The following RBM18 variants were observed in gnomAD, a reference collection of about 807,000 sequenced individuals.
The protein encoded by RBM18 is RNA binding motif protein 18, also known as probable RNA-binding protein 18.
A neutral mutation model predicts 26.4 loss-of-function variants in RBM18; 18 were observed. The observed-to-expected ratio is 0.68, with a 90% CI of 0.47 to 1.01. RBM18 has a LOEUF of 1.01. RBM18 is among the 50% of genes least tolerant of loss of function. The probability of loss-of-function intolerance (pLI) is 0.00; values close to 1 mark genes in which losing one functional copy is unlikely to be tolerated. For missense variants in RBM18, 180 were observed against 219.2 expected, an observed-to-expected ratio of 0.82 and a Z score of 1.13; for synonymous variants, 74 against 81.1, an observed-to-expected ratio of 0.91 and a Z score of 0.47.
In RBM18 at chr9:122,242,044, C is replaced by T. The variant is rs751626252; in HGVS notation, c.414-1G>A. ...AATGGCTTTTATCTTTGCAGTGACA[C>T]TGGAAAAATAATAGCAGAGGATCAG... is the stretch of plus-strand genomic sequence containing the variant. On this transcript the variant is annotated splice_acceptor_variant, in intron 5 of 5. Coordinates refer to ENST00000417201, the MANE Select transcript of RBM18 (RefSeq NM_033117.4). LOFTEE classifies it high-confidence loss of function. 2 of 1,613,578 alleles carry T rather than the reference C, an allele frequency of 1.2e-6. No individual in the cohort carries two copies. Among genetic ancestry groups the T allele is most frequent in the Non-Finnish European group, 1.7e-6 (2 of 1,179,858 alleles).
chr9:122,259,129 A>T (rs771421945), intron 2 of RBM18, among the ~76,000 whole-genome samples: 1 of 152,096 alleles, frequency 6.6e-6, no homozygotes, highest in Admixed American at 6.5e-5. Context: ...TGTTCCTGCC[A>T]ATGTTCTAAT....
At position 122,241,577 on chromosome 9, in the gene RBM18, G is replaced by A. The variant is rs1468821912; in HGVS notation, c.*307C>T. Reference sequence around the variant, plus strand: ...GATTTAAATAATATTTTGTGTATTTGCCTTTTGCTCTGGCACACTATAGAA... The same window carrying A: ...GATTTAAATAATATTTTGTGTATTTACCTTTTGCTCTGGCACACTATAGAA... On this transcript the variant is annotated 3_prime_UTR_variant, in exon 6 of 6. Coordinates refer to ENST00000417201, the MANE Select transcript of RBM18 (RefSeq NM_033117.4). 1 of 232,690 alleles carries A rather than the reference G, an allele frequency of 4.3e-6. No individual in the cohort carries two copies. Among genetic ancestry groups the A allele is most frequent in the African/African-American group, 2.2e-5 (1 of 44,532 alleles). 14.4% of individuals were successfully genotyped at this position (232,690 alleles called of 1,614,324 possible). A position where few individuals can be genotyped will look rare whatever the true frequency, so the allele number is the denominator to read the frequency against.
intron 3 of RBM18, among the ~76,000 whole-genome samples, chr9:122,250,144 A>T (rs1831576941): frequency 6.6e-6 from 1 of 151,536 alleles, no homozygotes; most frequent in Non-Finnish European, 1.5e-5. Context: ...GAACAATTAG[A>T]GTAACAATGT....
Position 122,237,995 on chromosome 9 carries a change from A to G in RBM18, c.*3889T>C, listed in dbSNP as rs1831356014. The G allele has an allele frequency of 6.6e-6, 1 of 152,182 alleles. No homozygotes were observed. Among genetic ancestry groups the G allele is most frequent in the Non-Finnish European group, 1.5e-5 (1 of 68,030 alleles). The allele number at this position is 152,182 out of a possible 1,614,324, so 9.4% of individuals were successfully genotyped here. On this transcript the variant is annotated 3_prime_UTR_variant, in exon 6 of 6. Transcript: ENST00000417201. ...AAAAATCATTCTTAACTTGTAGGCT[A>G]TACAAAATTAGGAGGCAGAGGCCAG...
At chr9:122,242,794 G>A (rs1423997220) in intron 5 of RBM18, among the ~76,000 whole-genome samples, 1 of 151,702 alleles carries the variant, frequency 6.6e-6, no homozygotes, top group African/African-American at 2.4e-5. Context: ...AGTAGGTAGG[G>A]CTACAGGCAC....
At position 122,264,834 on chromosome 9, in the gene RBM18, G is replaced by A. The variant is rs1156861736; in HGVS notation, c.-136C>T. ...CGCCAGCTGCCAGGCCGCCCGTGAC[G>A]CGTTAAGCCTGCGCCGCCTCCTGGC... On this transcript the variant is annotated 5_prime_UTR_variant, in exon 1 of 6. Transcript: ENST00000417201. The A allele has an allele frequency of 6.6e-6, 1 of 152,504 alleles. No individual in the cohort carries two copies. The highest frequency in any genetic ancestry group is 1.9e-4 in the East Asian group (1 of 5,202). The allele number at this position is 152,504 out of a possible 1,614,324, so 9.4% of individuals were successfully genotyped here.
chr9:122,245,837 C>T (rs528372144), intron 4 of RBM18, among the ~76,000 whole-genome samples: 2 of 150,484 alleles, frequency 1.3e-5, no homozygotes, highest in African/African-American at 4.9e-5. Context: ...AAACAAAAAA[C>T]AAAAATTACC....
intron 3 of RBM18, among the ~76,000 whole-genome samples, chr9:122,251,156 C>T (rs1242093398): frequency 1.3e-5 from 2 of 152,062 alleles, no homozygotes; most frequent in East Asian, 1.9e-4. Context: ...CTCCCCATCT[C>T]AGCCTCCAGG....
intron 5 of RBM18, among the ~76,000 whole-genome samples, chr9:122,243,563 G>A (rs1041899553): frequency 4.6e-5 from 7 of 152,310 alleles, no homozygotes; most frequent in East Asian, 1.9e-4. Context: ...AGCACTCAGG[G>A]AGTAGGTATT....
rs545425048 is a variant in RBM18, at chr9:122,257,601, A to C, written c.113+3779T>G. ...GGACTCAGATTAATAACCAACAGGCACACACACATAGAATGACTAGAAATA... is the reference window on the plus strand; with the variant it reads ...GGACTCAGATTAATAACCAACAGGCCCACACACATAGAATGACTAGAAATA... On this transcript the variant is annotated intron_variant, in intron 2 of 5. Coordinates refer to ENST00000417201, the MANE Select transcript of RBM18 (RefSeq NM_033117.4). Among the ~76,000 whole-genome samples the C allele has an allele frequency of 1.1e-3, 165 of 152,294 alleles. 1 individual carries two copies. Among genetic ancestry groups the C allele is most frequent in the African/African-American group, 3.8e-3 (158 of 41,590 alleles).
chr9:122,245,823 A>C (rs796180414), intron 4 of RBM18, among the ~76,000 whole-genome samples: 61 of 152,008 alleles, frequency 4.0e-4, no homozygotes, highest in African/African-American at 1.2e-3. Flanking sequence ...TATTTAAAAA[A>C]AAAAAACAAA....
At chr9:122,263,546 A>G (rs1376451930) in intron 1 of RBM18, among the ~76,000 whole-genome samples, 1 of 152,244 alleles carries the variant, frequency 6.6e-6, no homozygotes, top group Non-Finnish European at 1.5e-5. Context: ...CAAGGTCCCT[A>G]TCCTCTGGAT....
chr9:122,250,400 G>A (rs1721578928), intron 3 of RBM18, among the ~76,000 whole-genome samples: 1 of 152,126 alleles, frequency 6.6e-6, no homozygotes, highest in Admixed American at 6.5e-5. Flanking sequence ...ATTTATACTA[G>A]TGAATCAACC....
Position 122,238,155 on chromosome 9 carries a change from A to G in RBM18, c.*3729T>C, listed in dbSNP as rs988548944. 4 of 152,192 alleles carry G rather than the reference A, an allele frequency of 2.6e-5. No individual in the cohort carries two copies. The highest frequency in any genetic ancestry group is 9.7e-5 in the African/African-American group (4 of 41,436). 9.4% of individuals were successfully genotyped at this position (152,192 alleles called of 1,614,324 possible). A position where few individuals can be genotyped will look rare whatever the true frequency, so the allele number is the denominator to read the frequency against. ...CCCATCTGGACAATGAGGGGGCTAT[A>G]TGAGATGGTCTCTTAAGGCCCTTTG... On this transcript the variant is annotated 3_prime_UTR_variant, in exon 6 of 6. Coordinates refer to ENST00000417201, the MANE Select transcript of RBM18 (RefSeq NM_033117.4).
At chr9:122,243,242 G>C in intron 5 of RBM18, among the ~76,000 whole-genome samples, 1 of 152,288 alleles carries the variant, frequency 6.6e-6, no homozygotes, top group Middle Eastern at 3.4e-3. Context: ...TAAATGCTGG[G>C]ATTACAGGCA....
intron 5 of RBM18, among the ~76,000 whole-genome samples, chr9:122,244,375 T>C (rs1250505269): frequency 6.6e-6 from 1 of 152,220 alleles, no homozygotes; most frequent in Non-Finnish European, 1.5e-5. Context: ...TGGTTTCTGA[T>C]CCTTATGTAT....
At chr9:122,248,611 C>G (rs1831545485) in intron 3 of RBM18, among the ~76,000 whole-genome samples, 1 of 152,214 alleles carries the variant, frequency 6.6e-6, no homozygotes, top group Admixed American at 6.5e-5. Flanking sequence ...CCCCATCAGA[C>G]AGAGGAGTAA....
intron 1 of RBM18, among the ~76,000 whole-genome samples, chr9:122,263,664 A>T (rs1048318481): frequency 1.3e-5 from 2 of 152,164 alleles, no homozygotes; most frequent in African/African-American, 4.8e-5. Context: ...TGTGACAGGG[A>T]CTCGACGACT....
intron 3 of RBM18, among the ~76,000 whole-genome samples, chr9:122,251,276 C>G (rs76213380): frequency 0.039 from 5,985 of 152,224 alleles, 405 homozygotes; most frequent in African/African-American, 0.14. Flanking sequence ...GGCATCTCTA[C>G]ATTTAGTAAC....
Sources: allele counts gnomAD v4.1 joint callset (sites outside exome capture counted in the v4.1 genomes callset), GRCh38; gene constraint gnomAD v4.1.1; transcripts MANE v1.5; gene names NCBI Gene and HGNC (gene_info 2026-07-23, HGNC 2026-07-21).